ERG: variants seen among roughly 807,000 people sequenced by gnomAD.
ERG encodes transcriptional regulator ERG.
ERG carries 9 observed loss-of-function variants against 55.3 expected under a neutral mutation model. The ratio of observed to expected loss-of-function variants is 0.16; its 90% CI spans 0.10 to 0.28. The LOEUF is 0.28. Among genes scored for constraint, ERG ranks in the 10% least tolerant of loss-of-function variants. The pLI, the probability that ERG is intolerant of heterozygous loss-of-function variation, is 1.00. For synonymous variants in ERG, 223 were observed against 237.3 expected, an observed-to-expected ratio of 0.94 and a Z score of 0.55; for missense variants, 434 against 631.6, an observed-to-expected ratio of 0.69 and a Z score of 3.35.
intron 1 of ERG, among the ~76,000 whole-genome samples, chr21:38,627,069 T>A (rs2060329116): frequency 6.6e-6 from 1 of 151,826 alleles, no homozygotes; most frequent in Admixed American, 6.6e-5. Flanking sequence ...TTGAGTAGCA[T>A]TTACATAAAA....
At chr21:38,388,358 T>C (rs1342857673) in intron 9 of ERG, among the ~76,000 whole-genome samples, 1 of 152,172 alleles carries the variant, frequency 6.6e-6, no homozygotes, top group East Asian at 1.9e-4. Flanking sequence ...AAGTGAATAT[T>C]TGGGATAGAG....
rs182619680 is a variant in ERG, at chr21:38,552,166, A to T, written c.-41+23496T>A. On this transcript the variant is annotated intron_variant, in intron 2 of 8. Transcript: ENST00000398897. Reference sequence around the variant, plus strand: ...TGAAACGCTGAACAGACCAATAACGAATTACAAAATTAAATCAGTAATATA... The same window carrying T: ...TGAAACGCTGAACAGACCAATAACGTATTACAAAATTAAATCAGTAATATA... Among the ~76,000 whole-genome samples the T allele has an allele frequency of 1.9e-3, 292 of 152,098 alleles. 2 individuals are homozygous for T. Among genetic ancestry groups the T allele is most frequent in the African/African-American group, 6.7e-3 (277 of 41,546 alleles).
intron 2 of ERG, among the ~76,000 whole-genome samples, chr21:38,542,239 C>A (rs1465818108): frequency 1.3e-5 from 2 of 152,170 alleles, no homozygotes; most frequent in African/African-American, 4.8e-5. Flanking sequence ...CCACCCGCCT[C>A]AGCCTCCCAA....
downstream of ERG, among the ~76,000 whole-genome samples, chr21:38,375,575 C>A (rs561296632): frequency 6.6e-6 from 1 of 152,256 alleles, no homozygotes; most frequent in African/African-American, 2.4e-5. Context: ...ACCATTCCCA[C>A]AGAGCCCGAC....
At chr21:38,583,778 G>C (rs1030132299) in intron 1 of ERG, among the ~76,000 whole-genome samples, 37 of 152,170 alleles carry the variant, frequency 2.4e-4, no homozygotes, top group African/African-American at 8.2e-4. Flanking sequence ...GAAGGACGAT[G>C]GTGTGAAGAC....
intron 1 of ERG, among the ~76,000 whole-genome samples, chr21:38,634,126 T>C (rs1313764056): frequency 1.3e-5 from 2 of 152,228 alleles, no homozygotes; most frequent in Non-Finnish European, 2.9e-5. Context: ...TTGTATTTTA[T>C]CTGCAAAAGA....
intron 1 of ERG, among the ~76,000 whole-genome samples, chr21:38,452,713 T>C (rs2058953210): frequency 6.6e-6 from 1 of 152,162 alleles, no homozygotes; most frequent in African/African-American, 2.4e-5. Context: ...GCACATCCCT[T>C]CAGAACAGAC....
downstream of ERG, among the ~76,000 whole-genome samples, chr21:38,377,086 C>T (rs756671440): frequency 1.3e-5 from 2 of 152,214 alleles, no homozygotes; most frequent in African/African-American, 2.4e-5. Flanking sequence ...TTTTCTGTGA[C>T]TTAGAGTGAT....
At chr21:38,423,762 C>A (rs182379950) in intron 2 of ERG, among the ~76,000 whole-genome samples, 1 of 152,070 alleles carries the variant, frequency 6.6e-6, no homozygotes, top group East Asian at 1.9e-4. Context: ...CCGAGGTGGG[C>A]GGATCATGAG....
intron 1 of ERG, among the ~76,000 whole-genome samples, chr21:38,461,568 G>T (rs2836416): frequency 0.83 from 126,048 of 152,112 alleles, 52,330 homozygotes; most frequent in Admixed American, 0.85. Flanking sequence ...GTGATTCTCC[G>T]GAGCTCTGTA....
intron 1 of ERG, among the ~76,000 whole-genome samples, chr21:38,455,868 T>G (rs1172058491): frequency 7.7e-6 from 1 of 130,636 alleles, no homozygotes; most frequent in Non-Finnish European, 1.7e-5. Flanking sequence ...ATTGGTACGG[T>G]CCCCCCCCTC....
At chr21:38,588,030 G>A (rs1416431245), upstream of ERG, among the ~76,000 whole-genome samples, 2 of 152,142 alleles carry the variant, frequency 1.3e-5, no homozygotes, top group East Asian at 1.9e-4. Flanking sequence ...ACCTGACAAC[G>A]TAAATTATGT....
At chr21:38,621,362 C>T (rs1169790218) in intron 1 of ERG, among the ~76,000 whole-genome samples, 6 of 152,174 alleles carry the variant, frequency 3.9e-5, no homozygotes, top group Non-Finnish European at 8.8e-5. Flanking sequence ...CTTGCTTTGA[C>T]CAGTAAAAGT....
chr21:38,373,053 C>T, the ERG span, among the ~76,000 whole-genome samples: 6 of 152,284 alleles, frequency 3.9e-5, no homozygotes, highest in Admixed American at 6.5e-5. Context: ...ACACTCTTTG[C>T]TCCAAACCCT....
chr21:38,602,948 T>C (rs1317306841), intron 1 of ERG, among the ~76,000 whole-genome samples: 2 of 151,852 alleles, frequency 1.3e-5, no homozygotes, highest in African/African-American at 2.4e-5. Context: ...ATGCCTCAAC[T>C]CAGAAAGTTA....
intron 2 of ERG, among the ~76,000 whole-genome samples, chr21:38,546,497 T>C (rs2059788676): frequency 6.6e-6 from 1 of 152,198 alleles, no homozygotes; most frequent in Admixed American, 6.5e-5. Context: ...TTCCACAATA[T>C]TGTGATATGA....
chr21:38,519,359 C>T (rs2059576601), intron 2 of ERG, among the ~76,000 whole-genome samples: 1 of 152,198 alleles, frequency 6.6e-6, no homozygotes, highest in South Asian at 2.1e-4. Flanking sequence ...TACCCTCAGG[C>T]CTACAAGGGC....
intron 1 of ERG, chr21:38,471,424 G>C (rs1330731048): frequency 6.6e-6 from 1 of 152,216 alleles, no homozygotes; most frequent in Non-Finnish European, 1.5e-5. Context: ...CTGTTGAGAA[G>C]AGCAACACTT....
intron 6 of ERG, chr21:38,395,399 T>C (rs560499803): frequency 8.9e-6 from 2 of 223,942 alleles, no homozygotes; most frequent in Non-Finnish European, 1.8e-5. Context: ...TTATTGATAA[T>C]AGAGCATCAG....
Sources: gnomAD v4.1 joint callset for allele counts (sites outside exome capture counted in the v4.1 genomes callset) on GRCh38, gnomAD v4.1.1 for gene constraint, MANE v1.5 for transcripts, NCBI Gene and HGNC (gene_info 2026-07-23, HGNC 2026-07-21) for gene names.